The following RIMBP2 variants were observed in gnomAD, a reference collection of about 807,000 sequenced individuals.
RIMBP2 encodes the protein RIMS-binding protein 2.
Under a neutral mutation model 118.6 loss-of-function variants are expected in RIMBP2, and 48 were observed. That is an observed-to-expected ratio of 0.40 (90% confidence interval 0.32 to 0.51). The LOEUF is 0.51. Among genes scored for constraint, RIMBP2 ranks in the 20% least tolerant of loss-of-function variants. The pLI, the probability that RIMBP2 is intolerant of heterozygous loss-of-function variation, is 0.41. For synonymous variants in RIMBP2, 762 were observed against 742.9 expected, an observed-to-expected ratio of 1.03 and a Z score of -0.42; for missense variants, 1,551 against 1,768.3, an observed-to-expected ratio of 0.88 and a Z score of 2.20.
At chr12:130,561,536 C>G (rs1422875875) in intron 2 of RIMBP2, among the ~76,000 whole-genome samples, 1 of 152,064 alleles carries the variant, frequency 6.6e-6, no homozygotes, top group African/African-American at 2.4e-5. Flanking sequence ...CTCCTTGATT[C>G]AGAGAACCCT....
At chr12:130,664,429 ATGCATG>A (rs1484539871) in intron 1 of RIMBP2, among the ~76,000 whole-genome samples, 2 of 64,626 alleles carry the variant, frequency 3.1e-5, no homozygotes, top group Non-Finnish European at 8.1e-5. Context: ...ACGCACACAC[ATGCATG>A]CACGCACACA....
At chr12:130,559,957 C>T (rs1174463380) in intron 2 of RIMBP2, among the ~76,000 whole-genome samples, 4 of 152,182 alleles carry the variant, frequency 2.6e-5, no homozygotes, top group Non-Finnish European at 4.4e-5. Context: ...GGCATTTGCT[C>T]TTATAACTCA....
intron 1 of RIMBP2, among the ~76,000 whole-genome samples, chr12:130,630,421 A>G (rs2061922555): frequency 2.0e-5 from 3 of 151,964 alleles, no homozygotes; most frequent in African/African-American, 7.2e-5. Flanking sequence ...AAAAATTCCT[A>G]TATATATATG....
At chr12:130,414,621 A>G (rs1340205132) in intron 17 of RIMBP2, 2 of 233,916 alleles carry the variant, frequency 8.6e-6, no homozygotes, top group Admixed American at 1.0e-4. Context: ...AGGATGGCCC[A>G]TGCTGGGGAG....
At chr12:130,557,553 T>A (rs1364660469) in intron 2 of RIMBP2, among the ~76,000 whole-genome samples, 1 of 152,120 alleles carries the variant, frequency 6.6e-6, no homozygotes, top group African/African-American at 2.4e-5. Context: ...AGGTGATGCC[T>A]AGGCAGACTC....
In RIMBP2 at chr12:130,670,434, C is replaced by T. The variant is rs1594178459; in HGVS notation, c.-351-41978G>A. ...TGTGGGTTCTCATGAACACGCCAGCCCTGCTCTCTCTCCTAGCTCTGGGCC... is the reference window on the plus strand; with the variant it reads ...TGTGGGTTCTCATGAACACGCCAGCTCTGCTCTCTCTCCTAGCTCTGGGCC... On this transcript the variant is annotated intron_variant, in intron 1 of 22. Transcript: ENST00000690449. The surrounding 1 kb of genome is among the most constrained non-coding windows in gnomAD (Gnocchi z 4.9). Among the ~76,000 whole-genome samples, 1 of 152,128 alleles carries T rather than the reference C, an allele frequency of 6.6e-6. No homozygotes were observed. The highest frequency in any genetic ancestry group is 2.4e-5 in the African/African-American group (1 of 41,438).
intron 3 of RIMBP2, among the ~76,000 whole-genome samples, chr12:130,509,111 G>A (rs967803356): frequency 1.3e-5 from 2 of 152,230 alleles, no homozygotes; most frequent in Non-Finnish European, 2.9e-5. Flanking sequence ...AAAGGCTGCT[G>A]GCGAGCCTGG....
rs371850533 is a variant in RIMBP2 at position 130,439,458 on chromosome 12, GGTGT to G, written c.1505-946_1505-943del. On this transcript the variant is annotated intron_variant, in intron 11 of 22. Coordinates refer to ENST00000690449, the MANE Select transcript of RIMBP2 (RefSeq NM_001393629.1). The stretch of plus-strand genomic sequence containing the variant: ...GTGGGTGTGTGGGTGTGGGTGTGTG[GGTGT>G]GTATGTATTTGTGTATGTGTGTGTA... Among the ~76,000 whole-genome samples, 760 of 132,760 alleles carry G rather than the reference GGTGT, an allele frequency of 5.7e-3. 5 individuals are homozygous for G. Among genetic ancestry groups the G allele is most frequent in the African/African-American group, 0.019 (684 of 35,788 alleles). The allele number at this position is 132,760 out of a possible 152,430, so 87.1% of individuals were successfully genotyped here.
chr12:130,615,276 C>CATATATGTATATATAT (rs1555309136), intron 2 of RIMBP2, among the ~76,000 whole-genome samples: 1 of 100,266 alleles, frequency 1.0e-5, no homozygotes. Context: ...AATACACATA[C>CATATATGTATATATAT]ATATATATAT....
At chr12:130,514,180 C>A (rs1233401747) in intron 3 of RIMBP2, among the ~76,000 whole-genome samples, 1 of 152,240 alleles carries the variant, frequency 6.6e-6, no homozygotes, top group Non-Finnish European at 1.5e-5. Flanking sequence ...TGCTGCCTCT[C>A]TCAAAGCACT....
intron 1 of RIMBP2, among the ~76,000 whole-genome samples, chr12:130,664,415 A>ACGCACGCACACACGCACG (rs1195044326): frequency 1.5e-4 from 19 of 130,588 alleles, no homozygotes; most frequent in South Asian, 2.7e-4. Flanking sequence ...ACGCACGCAC[A>ACGCACGCACACACGCACG]CACACGCACA....
intron 1 of RIMBP2, among the ~76,000 whole-genome samples, chr12:130,704,600 AG>A (rs1237083802): frequency 6.6e-6 from 1 of 152,120 alleles, no homozygotes; most frequent in African/African-American, 2.4e-5. Context: ...AATAAACAAA[AG>A]TAAATGGCTT....
chr12:130,525,025 G>C lies in RIMBP2; in HGVS notation c.-216-7108C>G, dbSNP rs1273714578. On this transcript the variant is annotated intron_variant, in intron 2 of 22. Transcript: ENST00000690449. This position sits in a 1 kb window ranked among gnomAD's most constrained non-coding sequence, Gnocchi z 4.4. Reference sequence around the variant, plus strand: ...CCCACATGGCCCAGAGCTCAGGAAGGAGAGCCTGACCCAGACCCAGATGTG... The same window carrying C: ...CCCACATGGCCCAGAGCTCAGGAAGCAGAGCCTGACCCAGACCCAGATGTG... Among the ~76,000 whole-genome samples, 2 of 152,202 alleles carry C rather than the reference G, an allele frequency of 1.3e-5. No homozygotes were observed. The highest frequency in any genetic ancestry group is 2.9e-5 in the Non-Finnish European group (2 of 68,040).
intron 1 of RIMBP2, among the ~76,000 whole-genome samples, chr12:130,641,246 G>T (rs1029255846): frequency 2.0e-5 from 3 of 152,088 alleles, no homozygotes; most frequent in African/African-American, 7.2e-5. Flanking sequence ...AGCCCTGACC[G>T]CACTGCAAGG....
rs555437244 is a variant in RIMBP2, at chr12:130,617,701, C to T, written c.-217+10621G>A. On this transcript the variant is annotated intron_variant, in intron 2 of 22. Coordinates refer to ENST00000690449, the MANE Select transcript of RIMBP2 (RefSeq NM_001393629.1). This position sits in a 1 kb window ranked among gnomAD's most constrained non-coding sequence, Gnocchi z 4.6. Reference sequence around the variant, plus strand: ...TGACCTGACGCTAAGCAGCCCAGCACCTTCAGTCCTCGAAGGTCCGCAGAT... The same window carrying T: ...TGACCTGACGCTAAGCAGCCCAGCATCTTCAGTCCTCGAAGGTCCGCAGAT... 1.1e-4 allele frequency among the ~76,000 whole-genome samples: 17 copies of T among 152,216 alleles called. No homozygotes were observed. Among genetic ancestry groups the T allele is most frequent in the Non-Finnish European group, 2.2e-4 (15 of 68,042 alleles).
intron 1 of RIMBP2, among the ~76,000 whole-genome samples, chr12:130,650,950 G>GAAA: frequency 7.9e-6 from 1 of 126,348 alleles, no homozygotes; most frequent in Non-Finnish European, 1.6e-5. Flanking sequence ...ACACAGCCTT[G>GAAA]TTTTTTTTAA....
At chr12:130,550,652 T>C (rs1245220428) in intron 2 of RIMBP2, among the ~76,000 whole-genome samples, 2 of 152,248 alleles carry the variant, frequency 1.3e-5, no homozygotes, top group African/African-American at 4.8e-5. Context: ...AAAATTAAAC[T>C]ATAAAATGCC....
intron 1 of RIMBP2, among the ~76,000 whole-genome samples, chr12:130,704,852 G>T (rs1162105869): frequency 6.6e-6 from 1 of 152,170 alleles, no homozygotes; most frequent in Admixed American, 6.5e-5. Context: ...CTCTAGCTAT[G>T]TGATCTTGGG....
chr12:130,627,212 C>A (rs2061697116), intron 2 of RIMBP2, among the ~76,000 whole-genome samples: 1 of 152,238 alleles, frequency 6.6e-6, no homozygotes, highest in Non-Finnish European at 1.5e-5. Flanking sequence ...GACTCAGACT[C>A]ATTTGCCAAG....
Sources: allele counts gnomAD v4.1 joint callset (sites outside exome capture counted in the v4.1 genomes callset), GRCh38; gene constraint gnomAD v4.1.1; non-coding constraint Gnocchi (gnomAD v3.1); transcripts MANE v1.5; gene names NCBI Gene and HGNC (gene_info 2026-07-23, HGNC 2026-07-21).